The following CELSR1 variants were observed in gnomAD, a reference collection of about 807,000 sequenced individuals.
The protein encoded by CELSR1 is adhesion G protein-coupled receptor C1.
In CELSR1, 110 loss-of-function variants were observed where a neutral mutation model predicts 249.1. The ratio of observed to expected loss-of-function variants is 0.44; its 90% CI spans 0.38 to 0.52. CELSR1 has a LOEUF of 0.52. Ranked by LOEUF, CELSR1 falls within the 20% of genes least tolerant of loss-of-function variation. CELSR1 has a pLI of 0.00. For synonymous variants in CELSR1, 2,113 were observed against 1,900.0 expected (o/e 1.11, Z -2.92); for missense variants, 4,109 against 4,296.4 (o/e 0.96, Z 1.22).
At chr22:46,387,936 C>T (rs2079049430) in intron 18 of CELSR1, among the ~76,000 whole-genome samples, 1 of 152,160 alleles carries the variant, frequency 6.6e-6, no homozygotes, top group Non-Finnish European at 1.5e-5. Flanking sequence ...CTGAGGCCGC[C>T]GTGGACATGT....
intron 1 of CELSR1, among the ~76,000 whole-genome samples, chr22:46,525,407 C>A (rs1404694616): frequency 1.3e-5 from 2 of 151,010 alleles, no homozygotes; most frequent in Non-Finnish European, 2.9e-5. Context: ...TGAGATCGCA[C>A]CATTGCACTC....
rs9626874 is a variant in CELSR1 at position 46,440,284 on chromosome 22, C to T, written c.4184-873G>A. 0.036 allele frequency among the ~76,000 whole-genome samples: 5,488 copies of T among 152,268 alleles called. 345 individuals are homozygous for T. The highest frequency in any genetic ancestry group is 0.13 in the African/African-American group (5,221 of 41,534). ...CCAGGTGTGTGGCTGGTGACACTCC[C>T]GCCCCCGGACAGGGATGGTGAGCCG... On this transcript the variant is annotated intron_variant, in intron 2 of 34. Coordinates refer to ENST00000674500, the MANE Select transcript of CELSR1 (RefSeq NM_001378328.1). The surrounding 1 kb of genome is among the most constrained non-coding windows in gnomAD (Gnocchi z 4.7).
At chr22:46,389,921 T>C (rs377651076) in intron 17 of CELSR1, among the ~76,000 whole-genome samples, 15 of 151,944 alleles carry the variant, frequency 9.9e-5, no homozygotes, top group East Asian at 5.8e-4. Context: ...CACTGTCCTC[T>C]AGCTTAGGAG....
intron 2 of CELSR1, among the ~76,000 whole-genome samples, chr22:46,442,134 G>A (rs181833478): frequency 8.1e-4 from 123 of 152,304 alleles, no homozygotes; most frequent in Non-Finnish European, 9.0e-4. Flanking sequence ...GGCAGCAAGA[G>A]CAAAACTCCG....
chr22:46,468,337 G>C lies in CELSR1; in HGVS notation c.3545-3992C>G, dbSNP rs150431914. On this transcript the variant is annotated intron_variant, in intron 1 of 34. Transcript: ENST00000674500. This position sits in a 1 kb window ranked among gnomAD's most constrained non-coding sequence, Gnocchi z 4.5. ...AGAGGTGGAGGTTGTGGTGAGCCAAGATCATACCACTGCACTCCAGCCTGG... is the reference window on the plus strand; with the variant it reads ...AGAGGTGGAGGTTGTGGTGAGCCAACATCATACCACTGCACTCCAGCCTGG... Among the ~76,000 whole-genome samples the C allele has an allele frequency of 6.9e-3, 1,028 of 148,640 alleles. 13 individuals are homozygous for C. The highest frequency in any genetic ancestry group is 0.024 in the African/African-American group (977 of 40,218).
Position 46,367,137 on chromosome 22 carries a change from G to C in CELSR1, c.8080-19C>G. 2 of 1,607,590 alleles carry C rather than the reference G, an allele frequency of 1.2e-6. No homozygotes were observed. Among genetic ancestry groups the C allele is most frequent in the Non-Finnish European group, 1.7e-6 (2 of 1,178,218 alleles). On this transcript the variant is annotated intron_variant, in intron 28 of 34. Transcript: ENST00000674500. ...AGGGGCCCTGGAGGGAGGAAGGTGGGGTCAGCACCTGCTGCTGCCTCCCTA... is the reference window on the plus strand; with the variant it reads ...AGGGGCCCTGGAGGGAGGAAGGTGGCGTCAGCACCTGCTGCTGCCTCCCTA...
chr22:46,431,104 C>T (rs945491737), intron 5 of CELSR1, among the ~76,000 whole-genome samples: 16 of 152,378 alleles, frequency 1.1e-4, no homozygotes, highest in Admixed American at 2.6e-4. Flanking sequence ...GCCCTAGACA[C>T]GGAAGCCATG....
At chr22:46,515,557 C>CACA (rs2080617957) in intron 1 of CELSR1, among the ~76,000 whole-genome samples, 1 of 152,184 alleles carries the variant, frequency 6.6e-6, no homozygotes, top group Non-Finnish European at 1.5e-5. Context: ...TGTGCACAAG[C>CACA]TGCAGGGCAC....
In CELSR1 at chr22:46,380,498, T is replaced by G. The variant is rs1476127191; in HGVS notation, c.7256+290A>C. Among the ~76,000 whole-genome samples the G allele has an allele frequency of 6.6e-6, 1 of 152,184 alleles. No homozygotes were observed. The highest frequency in any genetic ancestry group is 1.9e-4 in the East Asian group (1 of 5,196). On this transcript the variant is annotated intron_variant, in intron 22 of 34. Coordinates refer to ENST00000674500, the MANE Select transcript of CELSR1 (RefSeq NM_001378328.1). The surrounding 1 kb of genome is among the most constrained non-coding windows in gnomAD (Gnocchi z 5.1). ...CGCTGCATGTCGGGAGTCCCGCAGG[T>G]GAGGGGTCCCCTTCCTGGGTGTCAG...
chr22:46,458,154 G>A (rs2079978982), intron 2 of CELSR1, among the ~76,000 whole-genome samples: 1 of 152,168 alleles, frequency 6.6e-6, no homozygotes, highest in Admixed American at 6.5e-5. Context: ...AGACCTGGGG[G>A]AAGGTGCGCT....
intron 2 of CELSR1, among the ~76,000 whole-genome samples, chr22:46,443,022 C>T (rs967514898): frequency 7.9e-5 from 12 of 151,448 alleles, no homozygotes; most frequent in South Asian, 2.1e-4. Context: ...GGCGTGAACG[C>T]GGGAGGCGGA....
At chr22:46,377,734 C>T in intron 23 of CELSR1, 2 of 180,764 alleles carry the variant, frequency 1.1e-5, no homozygotes, top group South Asian at 1.3e-4. Context: ...GACATTTGCC[C>T]ATGAGACAGG....
At position 46,362,733 on chromosome 22, in the gene CELSR1, CGAA is replaced by C. The variant is rs1569098538; in HGVS notation, c.*487_*489del. On this transcript the variant is annotated 3_prime_UTR_variant, in exon 35 of 35. Coordinates refer to ENST00000674500, the MANE Select transcript of CELSR1 (RefSeq NM_001378328.1). Reference sequence around the variant, plus strand: ...AAGTATCTCCACCTTTCCCACATAGCGAAGTGATTTTAAGACAAGGGGTGCCTT... The same window carrying C: ...AAGTATCTCCACCTTTCCCACATAGCGTGATTTTAAGACAAGGGGTGCCTT... 5.6e-6 allele frequency: 1 copy of C among 178,410 alleles called. No homozygotes were observed. The highest frequency in any genetic ancestry group is 1.2e-5 in the Non-Finnish European group (1 of 83,876). The allele number at this position is 178,410 out of a possible 1,614,324, so 11.1% of individuals were successfully genotyped here. A position where few individuals can be genotyped will look rare whatever the true frequency, so the allele number is the denominator to read the frequency against.
chr22:46,397,277 CTT>C (rs528088887), intron 12 of CELSR1, among the ~76,000 whole-genome samples: 3,534 of 78,466 alleles, frequency 0.045, 49 homozygotes, highest in Non-Finnish European at 0.068. Context: ...CTAATTTTTG[CTT>C]TTTTTTTTTT....
intron 33 of CELSR1, 56 bp downstream of exon 33, chr22:46,364,456 G>C: frequency 5.8e-6 from 9 of 1,561,234 alleles, no homozygotes; most frequent in Non-Finnish European, 7.8e-6. Context: ...CCAGACCAGG[G>C]ACTGGCCCTT....
rs147256799 is a variant in CELSR1, at chr22:46,412,540, G to A, written c.4612-781C>T. On this transcript the variant is annotated intron_variant, in intron 5 of 34. Coordinates refer to ENST00000674500, the MANE Select transcript of CELSR1 (RefSeq NM_001378328.1). The surrounding 1 kb of genome is among the most constrained non-coding windows in gnomAD (Gnocchi z 4.5). The stretch of plus-strand genomic sequence containing the variant: ...CTCTCTGGGCCAGGATTGGGTACAA[G>A]AGTTCTTCTGGAATCAGTGACCTTG... Among the ~76,000 whole-genome samples, 5 of 152,288 alleles carry A rather than the reference G, an allele frequency of 3.3e-5. No individual in the cohort carries two copies. In the East Asian group the frequency reaches 7.7e-4, roughly 24 times the overall value.
At chr22:46,495,674 G>C (rs935396424) in intron 1 of CELSR1, among the ~76,000 whole-genome samples, 4 of 151,882 alleles carry the variant, frequency 2.6e-5, no homozygotes, top group Non-Finnish European at 5.9e-5. Context: ...TGTTTAGCCA[G>C]GCATGGTGGT....
At position 46,430,959 on chromosome 22, in the gene CELSR1, G is replaced by A. The variant is rs1054396683; in HGVS notation, c.4611+2434C>T. Among the ~76,000 whole-genome samples, 2 of 152,166 alleles carry A rather than the reference G, an allele frequency of 1.3e-5. No individual in the cohort carries two copies. Among genetic ancestry groups the A allele is most frequent in the Admixed American group, 6.5e-5 (1 of 15,278 alleles). On this transcript the variant is annotated intron_variant, in intron 5 of 34. Coordinates refer to ENST00000674500, the MANE Select transcript of CELSR1 (RefSeq NM_001378328.1). The surrounding 1 kb of genome is among the most constrained non-coding windows in gnomAD (Gnocchi z 4.6). ...GGCCCCGTCAGACCTCCTAATGGAC[G>A]CCTGAAGACACAGTAAAAACTGGTT...
intron 23 of CELSR1, among the ~76,000 whole-genome samples, chr22:46,377,778 A>G (rs971632630): frequency 1.2e-4 from 18 of 152,176 alleles, no homozygotes; most frequent in Admixed American, 1.2e-3. Context: ...TGCATATTGC[A>G]CAAGAGGCCG....
Sources: gnomAD v4.1 joint callset for allele counts (sites outside exome capture counted in the v4.1 genomes callset) on GRCh38, gnomAD v4.1.1 for gene constraint, Gnocchi (gnomAD v3.1) non-coding constraint, MANE v1.5 for transcripts, NCBI Gene and HGNC (gene_info 2026-07-23, HGNC 2026-07-21) for gene names.